POLK: variants seen among roughly 807,000 people sequenced by gnomAD.
POLK encodes polymerase (DNA directed) kappa.
Under a neutral mutation model 94.0 loss-of-function variants are expected in POLK, and 76 were observed. The observed-to-expected ratio is 0.81, with a 90% CI of 0.67 to 0.98. The LOEUF (loss-of-function observed/expected upper bound fraction) is 0.98, where lower values mean the gene tolerates loss of function less well. POLK is among the 50% of genes least tolerant of loss of function. The pLI is 0.00. For missense variants in POLK, 954 were observed against 1,010.1 expected (o/e 0.94, Z 0.75); for synonymous variants, 349 against 325.4 (o/e 1.07, Z -0.78).
chr5:75,564,847 T>A (rs914916758), intron 3 of POLK, among the ~76,000 whole-genome samples: 1 of 152,176 alleles, frequency 6.6e-6, no homozygotes, highest in South Asian at 2.1e-4. Flanking sequence ...GTGAATCTGA[T>A]GATTATGTGT....
chr5:75,584,048 T>C (rs917451123), intron 8 of POLK, among the ~76,000 whole-genome samples: 1 of 152,232 alleles, frequency 6.6e-6, no homozygotes, highest in African/African-American at 2.4e-5. Context: ...ATGTAATGAT[T>C]ACTGACTAGT....
At chr5:75,577,038 G>A in intron 6 of POLK, 105 bp downstream of exon 6, 1 of 614,876 alleles carries the variant, frequency 1.6e-6, no homozygotes, top group Non-Finnish European at 2.6e-6. Context: ...AGGTAGAAGG[G>A]ATAGATATGT....
Position 75,569,505 on chromosome 5 carries a change from C to T in POLK, c.408+13C>T, listed in dbSNP as rs758190980. 1 of 1,592,852 alleles carries T rather than the reference C, an allele frequency of 6.3e-7. No homozygotes were observed. The highest frequency in any genetic ancestry group is 8.5e-7 in the Non-Finnish European group (1 of 1,171,236). On this transcript the variant is annotated intron_variant, in intron 4 of 14. Coordinates refer to ENST00000241436, the Ensembl canonical transcript of POLK. ...AATGAGTATGCTGGTAAGTAAAGAT[C>T]AAATACAAAAAGGAAATTTTATAAC...
At chr5:75,563,871 T>C (rs1306706634) in intron 3 of POLK, among the ~76,000 whole-genome samples, 1 of 152,238 alleles carries the variant, frequency 6.6e-6, no homozygotes, top group Non-Finnish European at 1.5e-5. Context: ...GTATATCCTG[T>C]TGATTTGGGG....
At chr5:75,595,875 G>A (rs1773055508) in intron 12 of POLK, among the ~76,000 whole-genome samples, 1 of 151,744 alleles carries the variant, frequency 6.6e-6, no homozygotes, top group Non-Finnish European at 1.5e-5. Context: ...CAATTTTGCT[G>A]TGAACCTAAA....
intron 1 of POLK, among the ~76,000 whole-genome samples, chr5:75,540,331 A>G (rs887141135): frequency 6.6e-6 from 1 of 151,762 alleles, no homozygotes; most frequent in Non-Finnish European, 1.5e-5. Flanking sequence ...TGTCTCTTAA[A>G]AACTCTTCTC....
At chr5:75,511,815 G>T (rs1330698544) in exon 1 of POLK, 1 of 1,551,338 alleles carries the variant, frequency 6.4e-7, no homozygotes, top group African/African-American at 1.4e-5. Context: ...AGAAAGGAGA[G>T]GGCGGGGTAG....
intron 6 of POLK, among the ~76,000 whole-genome samples, chr5:75,579,366 T>A (rs1407098178): frequency 6.6e-6 from 1 of 151,710 alleles, no homozygotes; most frequent in Non-Finnish European, 1.5e-5. Flanking sequence ...TTTATTTTTT[T>A]TTTATTTTTT....
At chr5:75,583,648 A>G (rs917398690) in intron 8 of POLK, among the ~76,000 whole-genome samples, 3 of 152,196 alleles carry the variant, frequency 2.0e-5, no homozygotes, top group African/African-American at 7.2e-5. Context: ...CAGATTTTTA[A>G]GTGAACTACT....
chr5:75,596,658 C>G, exon 13 of POLK: 2 of 1,614,008 alleles, frequency 1.2e-6, no homozygotes, highest in Non-Finnish European at 1.7e-6. Flanking sequence ...TCAGTGAAAA[C>G]TTTAAAATGT....
intron 12 of POLK, among the ~76,000 whole-genome samples, chr5:75,595,372 G>T (rs1226946131): frequency 1.3e-5 from 2 of 151,042 alleles, no homozygotes; most frequent in African/African-American, 4.9e-5. Context: ...ATAAACTGTG[G>T]TACATACAGA....
At chr5:75,589,175 A>T (rs936539917) in intron 10 of POLK, among the ~76,000 whole-genome samples, 2 of 152,136 alleles carry the variant, frequency 1.3e-5, no homozygotes, top group Admixed American at 1.3e-4. Context: ...TGTAATATCC[A>T]TGAATAGAGA....
At chr5:75,597,908 T>C in intron 14 of POLK, 26 bp from the exon 15 acceptor site, 1 of 1,283,412 alleles carries the variant, frequency 7.8e-7, no homozygotes, top group Non-Finnish European at 1.1e-6. Context: ...TCCTGCATTT[T>C]AATTGTGTGT....
chr5:75,519,091 G>A (rs1768452932), intron 1 of POLK, among the ~76,000 whole-genome samples: 1 of 152,162 alleles, frequency 6.6e-6, no homozygotes, highest in African/African-American at 2.4e-5. Context: ...CTCTCAAAGT[G>A]CTGGGATGAT....
At chr5:75,526,080 A>G (rs1768826140) in intron 1 of POLK, among the ~76,000 whole-genome samples, 1 of 152,204 alleles carries the variant, frequency 6.6e-6, no homozygotes, top group Admixed American at 6.5e-5. Context: ...ATTAGTTACC[A>G]TTTATATATG....
chr5:75,589,392 C>T (rs1008232570), intron 10 of POLK, among the ~76,000 whole-genome samples: 4 of 75,346 alleles, frequency 5.3e-5, no homozygotes, highest in Non-Finnish European at 1.2e-4. Flanking sequence ...CACACATACA[C>T]ACACACACAC....
intron 1 of POLK, among the ~76,000 whole-genome samples, chr5:75,544,339 C>CA (rs552352320): frequency 5.1e-4 from 78 of 152,136 alleles, no homozygotes; most frequent in Non-Finnish European, 1.0e-3. Context: ...CTGGGCAACC[C>CA]ACCCCTGTCT....
rs115252854 is a variant in POLK, at chr5:75,589,878, A to G, written c.1260-466A>G. On this transcript the variant is annotated intron_variant, in intron 10 of 14. Coordinates refer to ENST00000241436, the Ensembl canonical transcript of POLK. The stretch of plus-strand genomic sequence containing the variant: ...ATCAGCCTTCTATTTTCAGCTGTCT[A>G]TTAAACAACTCTGCGTAGGTTCCAT... Among the ~76,000 whole-genome samples, 920 of 152,310 alleles carry G rather than the reference A, an allele frequency of 6.0e-3. 10 individuals are homozygous for G. Among genetic ancestry groups the G allele is most frequent in the African/African-American group, 0.021 (853 of 41,558 alleles).
intron 1 of POLK, among the ~76,000 whole-genome samples, chr5:75,527,379 T>C (rs1302375985): frequency 6.6e-6 from 1 of 151,270 alleles, no homozygotes; most frequent in Non-Finnish European, 1.5e-5. Context: ...AATTAGCTGG[T>C]TTTGGTGGTG....
Sources: allele counts gnomAD v4.1 joint callset (sites outside exome capture counted in the v4.1 genomes callset), GRCh38; gene constraint gnomAD v4.1.1; transcripts MANE v1.5; gene names NCBI Gene and HGNC (gene_info 2026-07-23, HGNC 2026-07-21).